MYO3A: variants seen among roughly 807,000 people sequenced by gnomAD.
MYO3A encodes the protein myosin IIIA, also known as myosin-IIIa.
In MYO3A, 180 loss-of-function variants were observed where a neutral mutation model predicts 192.7. That is an observed-to-expected ratio of 0.93 (90% CI 0.83 to 1.06). The LOEUF (loss-of-function observed/expected upper bound fraction) is 1.06, where lower values mean the gene tolerates loss of function less well. MYO3A is among the 50% of genes least tolerant of loss of function. The probability of loss-of-function intolerance (pLI) is 0.00; values close to 1 mark genes in which losing one functional copy is unlikely to be tolerated. For synonymous variants in MYO3A, 628 were observed against 645.3 expected (o/e 0.97, Z 0.41); for missense variants, 1,896 against 1,905.0 (o/e 1.00, Z 0.09).
At chr10:26,205,255 A>G (rs1843859609) in intron 34 of MYO3A, among the ~76,000 whole-genome samples, 2 of 152,154 alleles carry the variant, frequency 1.3e-5, no homozygotes, top group Non-Finnish European at 2.9e-5. Context: ...TATCTTTTTT[A>G]TGGTGAAAGC....
chr10:26,088,145 A>T, intron 14 of MYO3A, 58 bp from the exon 15 acceptor site: 1 of 1,345,104 alleles, frequency 7.4e-7, no homozygotes, highest in Non-Finnish European at 1.0e-6. Context: ...GAGACATTTC[A>T]TTATATACCA....
chr10:26,092,945 C>T (rs761082691), intron 15 of MYO3A, among the ~76,000 whole-genome samples: 4 of 152,082 alleles, frequency 2.6e-5, no homozygotes, highest in African/African-American at 4.8e-5. Flanking sequence ...TCTGATTGTC[C>T]GCTGAAGATC....
intron 4 of MYO3A, among the ~76,000 whole-genome samples, chr10:25,972,628 G>T (rs1203605010): frequency 6.6e-6 from 1 of 152,084 alleles, no homozygotes; most frequent in Non-Finnish European, 1.5e-5. Flanking sequence ...GACTTGGCTG[G>T]ACTATTTTAG....
intron 17 of MYO3A, among the ~76,000 whole-genome samples, chr10:26,109,238 A>T (rs1838011296): frequency 6.6e-6 from 1 of 152,244 alleles, no homozygotes; most frequent in African/African-American, 2.4e-5. Flanking sequence ...GTTAGACTTA[A>T]CTGACAAATC....
intron 33 of MYO3A, among the ~76,000 whole-genome samples, chr10:26,202,147 G>A (rs1843704166): frequency 6.6e-6 from 1 of 152,138 alleles, no homozygotes; most frequent in African/African-American, 2.4e-5. Context: ...TTTAATCAAT[G>A]TTCATGTCAA....
intron 10 of MYO3A, among the ~76,000 whole-genome samples, chr10:26,039,920 A>G (rs958826384): frequency 1.3e-5 from 2 of 149,888 alleles, no homozygotes; most frequent in African/African-American, 2.5e-5. Flanking sequence ...ACTAATCTTG[A>G]GTTTAGATTG....
chr10:26,080,151 G>A (rs1588916522), intron 14 of MYO3A, among the ~76,000 whole-genome samples: 1 of 152,154 alleles, frequency 6.6e-6, no homozygotes, highest in East Asian at 1.9e-4. Flanking sequence ...TCTTCCTCAG[G>A]GACAGAGATT....
At chr10:26,042,654 A>G (rs1301147624) in intron 10 of MYO3A, among the ~76,000 whole-genome samples, 3 of 152,138 alleles carry the variant, frequency 2.0e-5, no homozygotes, top group African/African-American at 4.8e-5. Context: ...CTGTTTGATT[A>G]TGTTTAATTA....
chr10:26,132,099 AG>A (rs1390716595), intron 20 of MYO3A, among the ~76,000 whole-genome samples: 1 of 152,224 alleles, frequency 6.6e-6, no homozygotes, highest in Admixed American at 6.5e-5. Context: ...TTGCCAAGAA[AG>A]GAAGTGTTTT....
chr10:26,003,402 C>T (rs1840975568), intron 6 of MYO3A, among the ~76,000 whole-genome samples: 2 of 152,116 alleles, frequency 1.3e-5, no homozygotes, highest in Non-Finnish European at 2.9e-5. Flanking sequence ...TTCAGTATTA[C>T]TTTAAATATG....
chr10:26,041,258 T>C (rs2131220691), intron 10 of MYO3A, among the ~76,000 whole-genome samples: 1 of 152,236 alleles, frequency 6.6e-6, no homozygotes, highest in Non-Finnish European at 1.5e-5. Flanking sequence ...TTTCCATTCC[T>C]TTATTTTCAG....
chr10:25,952,265 T>G lies in MYO3A; in HGVS notation c.155T>G (p.Leu52Arg). Reference protein sequence around the residue: ...KNGQKAAVKILDPIHDIDEEI... With the variant: ...KNGQKAAVKIRDPIHDIDEEI... ...GGCCAAAAAGCAGCAGTCAAAATTC[T>G]TGATCCAATTCACGTAAGTCATATT... The change falls in exon 3 of 35, where the codon CTT becomes CGT. Residue 52 changes from leucine to arginine, a missense_variant. Physicochemically the swap from Leu to Arg is moderately radical, Grantham distance 102. Coordinates refer to ENST00000642920, the MANE Select transcript of MYO3A (RefSeq NM_017433.5). The G allele has an allele frequency of 1.9e-6, 3 of 1,612,482 alleles. No individual in the cohort carries two copies. Among genetic ancestry groups the G allele is most frequent in the Non-Finnish European group, 2.5e-6 (3 of 1,179,054 alleles).
intron 31 of MYO3A, 57 bp from the exon 32 acceptor site, chr10:26,193,148 A>G (rs1843230860): frequency 3.8e-6 from 5 of 1,308,086 alleles, no homozygotes; most frequent in Non-Finnish European, 5.5e-6. Flanking sequence ...AAAGGAAAAC[A>G]TCACTTGATA....
chr10:26,154,621 A>G lies in MYO3A; in HGVS notation c.2716-125A>G, dbSNP rs1410389675. 3 of 805,478 alleles carry G rather than the reference A, an allele frequency of 3.7e-6. No individual in the cohort carries two copies. The African/African-American group carries it at 5.1e-5, about 14-fold the overall frequency. 49.9% of individuals were successfully genotyped at this position (805,478 alleles called of 1,614,324 possible). A position where few individuals can be genotyped will look rare whatever the true frequency, so the allele number is the denominator to read the frequency against. On this transcript the variant is annotated intron_variant, in intron 24 of 34. Coordinates refer to ENST00000642920, the MANE Select transcript of MYO3A (RefSeq NM_017433.5). The stretch of plus-strand genomic sequence containing the variant: ...AATTACCTAAAGGAAGAATATCAAC[A>G]TTTTGCTGTTTTACATATTTGAATG...
At chr10:25,993,003 C>A (rs1840156370) in intron 4 of MYO3A, among the ~76,000 whole-genome samples, 1 of 152,170 alleles carries the variant, frequency 6.6e-6, no homozygotes, top group Non-Finnish European at 1.5e-5. Context: ...GCTTTGGTAT[C>A]AGGATGATGC....
chr10:26,176,549 T>C (rs1842344494), intron 30 of MYO3A, 152 bp from the exon 31 acceptor site: 2 of 684,782 alleles, frequency 2.9e-6, no homozygotes, highest in Non-Finnish European at 2.5e-6. Flanking sequence ...GTGAGAACTT[T>C]ATCAGACCTT....
At chr10:25,954,641 A>AT (rs953001144) in intron 3 of MYO3A, among the ~76,000 whole-genome samples, 2 of 152,104 alleles carry the variant, frequency 1.3e-5, no homozygotes, top group Non-Finnish European at 2.9e-5. Flanking sequence ...TTATTTATCC[A>AT]TTTTAAAATT....
intron 4 of MYO3A, among the ~76,000 whole-genome samples, chr10:25,972,826 C>T (rs1012433274): frequency 2.0e-5 from 3 of 152,146 alleles, no homozygotes; most frequent in South Asian, 4.1e-4. Flanking sequence ...TTAGGCTCCA[C>T]TAATTGTCAG....
At chr10:26,209,424 A>T (rs1844121905) in intron 34 of MYO3A, among the ~76,000 whole-genome samples, 1 of 152,202 alleles carries the variant, frequency 6.6e-6, no homozygotes, top group African/African-American at 2.4e-5. Context: ...TCTGCTCTTC[A>T]GTATAGTAAA....
Sources: allele counts gnomAD v4.1 joint callset (sites outside exome capture counted in the v4.1 genomes callset), GRCh38; gene constraint gnomAD v4.1.1; transcripts MANE v1.5; gene names NCBI Gene and HGNC (gene_info 2026-07-23, HGNC 2026-07-21).